CADPS: variants seen among roughly 807,000 people sequenced by gnomAD.
The protein encoded by CADPS is calcium dependent secretion activator, also known as calcium-dependent secretion activator 1.
In CADPS, 57 loss-of-function variants were observed where a neutral mutation model predicts 167.3. The observed-to-expected ratio is 0.34, with a 90% CI of 0.28 to 0.42. CADPS has a LOEUF of 0.42. CADPS is among the 20% of genes least tolerant of loss of function. CADPS has a pLI of 1.00. For synonymous variants in CADPS, 676 were observed against 635.3 expected (o/e 1.06, Z -0.96); for missense variants, 1,414 against 1,738.1 (o/e 0.81, Z 3.32).
At chr3:62,708,469 A>T (rs1218419175) in intron 3 of CADPS, among the ~76,000 whole-genome samples, 2 of 152,048 alleles carry the variant, frequency 1.3e-5, no homozygotes, top group Non-Finnish European at 2.9e-5. Flanking sequence ...TTCACAGATG[A>T]GAAAAGTGAA....
chr3:62,720,270 T>A (rs1196725400), intron 3 of CADPS, among the ~76,000 whole-genome samples: 1 of 152,122 alleles, frequency 6.6e-6, no homozygotes, highest in South Asian at 2.1e-4. Context: ...ATTATCTATT[T>A]CATTTCAACT....
chr3:62,598,808 T>C (rs564742449), intron 6 of CADPS, among the ~76,000 whole-genome samples: 1 of 152,346 alleles, frequency 6.6e-6, no homozygotes, highest in African/African-American at 2.4e-5. Context: ...CACTGCTTTA[T>C]GTCTTGATTA....
intron 3 of CADPS, among the ~76,000 whole-genome samples, chr3:62,710,565 C>G (rs2083204487): frequency 6.6e-6 from 1 of 152,110 alleles, no homozygotes; most frequent in Non-Finnish European, 1.5e-5. Flanking sequence ...GTTCAGCCTT[C>G]TAGAAGGCCC....
intron 1 of CADPS, among the ~76,000 whole-genome samples, chr3:62,772,822 C>T (rs143886725): frequency 7.0e-4 from 106 of 152,226 alleles, no homozygotes; most frequent in Middle Eastern, 3.4e-3. Context: ...AAAGAAGGAA[C>T]CTCAAATAGC....
At chr3:62,578,554 G>A (rs1366205707) in intron 8 of CADPS, among the ~76,000 whole-genome samples, 2 of 144,326 alleles carry the variant, frequency 1.4e-5, no homozygotes, top group Non-Finnish European at 3.0e-5. Context: ...AGCTTGCAGT[G>A]AGCCGAGATC....
intron 1 of CADPS, among the ~76,000 whole-genome samples, chr3:62,774,287 T>C (rs1576222777): frequency 6.7e-6 from 1 of 148,982 alleles, no homozygotes; most frequent in Non-Finnish European, 1.5e-5. Flanking sequence ...CCGATAACAT[T>C]AAAAAAAAAG....
At chr3:62,806,389 G>A (rs986906477) in intron 1 of CADPS, among the ~76,000 whole-genome samples, 4 of 151,792 alleles carry the variant, frequency 2.6e-5, no homozygotes, top group African/African-American at 7.3e-5. Context: ...AAAATTAGCC[G>A]GGTGTGGTGG....
intron 21 of CADPS, among the ~76,000 whole-genome samples, chr3:62,485,897 G>A (rs190206895): frequency 7.9e-5 from 12 of 152,264 alleles, no homozygotes; most frequent in Admixed American, 2.6e-4. Flanking sequence ...TCAGGGAGGT[G>A]AACTGAGGGA....
intron 9 of CADPS, among the ~76,000 whole-genome samples, chr3:62,560,940 G>T (rs1004003124): frequency 6.6e-6 from 1 of 152,008 alleles, no homozygotes; most frequent in Non-Finnish European, 1.5e-5. Context: ...TTAGCTGGAC[G>T]TGGCGGCAGA....
chr3:62,557,860 C>T (rs1218296426), intron 9 of CADPS, among the ~76,000 whole-genome samples: 1 of 152,286 alleles, frequency 6.6e-6, no homozygotes, highest in East Asian at 1.9e-4. Context: ...GGTTAAGCTA[C>T]ATGTGACTGC....
At chr3:62,854,220 A>T (rs2079193598) in intron 1 of CADPS, among the ~76,000 whole-genome samples, 1 of 152,196 alleles carries the variant, frequency 6.6e-6, no homozygotes, top group African/African-American at 2.4e-5. Flanking sequence ...TTAAGAGAGA[A>T]TTTGTGTGGT....
At chr3:62,863,388 A>G (rs1315707048) in intron 1 of CADPS, among the ~76,000 whole-genome samples, 1 of 152,188 alleles carries the variant, frequency 6.6e-6, no homozygotes, top group Non-Finnish European at 1.5e-5. Context: ...AAATGAGATA[A>G]GGCTTGTAAA....
intron 28 of CADPS, among the ~76,000 whole-genome samples, chr3:62,415,419 G>A (rs962865134): frequency 3.3e-5 from 5 of 151,944 alleles, no homozygotes; most frequent in African/African-American, 4.8e-5. Context: ...CATGTTACAG[G>A]AAGCCACAGC....
intron 3 of CADPS, among the ~76,000 whole-genome samples, chr3:62,749,944 A>G (rs1273267207): frequency 2.6e-5 from 4 of 152,200 alleles, no homozygotes; most frequent in African/African-American, 4.8e-5. Flanking sequence ...CAGCCAATGA[A>G]GAGTTTCTAT....
At chr3:62,841,634 G>C (rs1430122336) in intron 1 of CADPS, among the ~76,000 whole-genome samples, 1 of 152,128 alleles carries the variant, frequency 6.6e-6, no homozygotes, top group African/African-American at 2.4e-5. Context: ...GGAAGAGGTC[G>C]AGGCTGCAGC....
Position 62,662,818 on chromosome 3 carries a change from G to A in CADPS, c.889-424C>T, listed in dbSNP as rs543082446. ...GTGCACACATGGCACGGGTCCAGCC[G>A]CTCTCCACCTCTGGACCATGGAGGA... On this transcript the variant is annotated intron_variant, in intron 3 of 29. Transcript: ENST00000383710. Among the ~76,000 whole-genome samples, 4 of 152,248 alleles carry A rather than the reference G, an allele frequency of 2.6e-5. No individual in the cohort carries two copies. In the South Asian group the frequency reaches 8.3e-4, roughly 32 times the overall value.
intron 9 of CADPS, among the ~76,000 whole-genome samples, chr3:62,561,496 C>T (rs1036182634): frequency 2.6e-5 from 4 of 151,574 alleles, no homozygotes; most frequent in African/African-American, 9.7e-5. Flanking sequence ...GTTTGAACTC[C>T]TGGGCTCAAG....
At chr3:62,676,493 C>T (rs1176749243) in intron 3 of CADPS, among the ~76,000 whole-genome samples, 1 of 152,042 alleles carries the variant, frequency 6.6e-6, no homozygotes, top group Non-Finnish European at 1.5e-5. Flanking sequence ...GGATCAGCTA[C>T]CTATTCATTT....
intron 7 of CADPS, among the ~76,000 whole-genome samples, chr3:62,586,912 T>C (rs1178148048): frequency 6.6e-6 from 1 of 152,246 alleles, no homozygotes; most frequent in Non-Finnish European, 1.5e-5. Context: ...CTAATTGTGG[T>C]GGCTGTGGTG....
Sources: allele counts gnomAD v4.1 joint callset (sites outside exome capture counted in the v4.1 genomes callset), GRCh38; gene constraint gnomAD v4.1.1; transcripts MANE v1.5; gene names NCBI Gene and HGNC (gene_info 2026-07-23, HGNC 2026-07-21).